Variants in LRRTM4 observed in about 807,000 individuals in gnomAD.
LRRTM4 encodes leucine-rich repeat transmembrane neuronal protein 4.
Under a neutral mutation model 47.6 loss-of-function variants are expected in LRRTM4, and 25 were observed. The observed-to-expected ratio is 0.53, with a 90% CI of 0.38 to 0.73. The LOEUF (loss-of-function observed/expected upper bound fraction) is 0.73. Ranked by LOEUF, LRRTM4 falls within the 30% of genes least tolerant of loss-of-function variation. LRRTM4 has a pLI of 0.00. For synonymous variants in LRRTM4, 311 were observed against 269.5 expected (o/e 1.15, Z -1.51); for missense variants, 638 against 713.4 (o/e 0.89, Z 1.20).
chr2:77,220,788 A>G (rs1674599512), intron 3 of LRRTM4, among the ~76,000 whole-genome samples: 1 of 152,250 alleles, frequency 6.6e-6, no homozygotes, highest in Non-Finnish European at 1.5e-5. Flanking sequence ...TCTGCAGGAT[A>G]TTATCCAAGA....
chr2:77,136,782 T>C (rs1258771176), intron 3 of LRRTM4, among the ~76,000 whole-genome samples: 1 of 150,998 alleles, frequency 6.6e-6, no homozygotes, highest in Non-Finnish European at 1.5e-5. Context: ...AGTCCTTAAA[T>C]GACCTGAGGG....
At chr2:76,828,052 G>A (rs1156704056) in intron 3 of LRRTM4, among the ~76,000 whole-genome samples, 1 of 151,960 alleles carries the variant, frequency 6.6e-6, no homozygotes, top group Non-Finnish European at 1.5e-5. Context: ...CTTAGCGTAA[G>A]TGTTTACACA....
chr2:77,017,344 A>T (rs1678105083), intron 3 of LRRTM4, among the ~76,000 whole-genome samples: 2 of 152,218 alleles, frequency 1.3e-5, no homozygotes, highest in South Asian at 4.1e-4. Context: ...TAAAATAATT[A>T]TATCCTGAAA....
At chr2:77,013,192 C>T (rs531706764) in intron 3 of LRRTM4, among the ~76,000 whole-genome samples, 1 of 152,168 alleles carries the variant, frequency 6.6e-6, no homozygotes, top group South Asian at 2.1e-4. Context: ...AAGGTATAAC[C>T]ACTGAAGCAC....
chr2:77,107,832 A>G (rs918351248), intron 3 of LRRTM4, among the ~76,000 whole-genome samples: 2 of 151,488 alleles, frequency 1.3e-5, no homozygotes, highest in African/African-American at 4.8e-5. Flanking sequence ...AAAAAAAAAA[A>G]AAAAGAAAGA....
intron 3 of LRRTM4, among the ~76,000 whole-genome samples, chr2:77,047,465 G>A (rs1679272615): frequency 6.6e-6 from 1 of 151,968 alleles, no homozygotes; most frequent in South Asian, 2.1e-4. Flanking sequence ...TGAGAGCTGT[G>A]AGGAAGAAGC....
intron 3 of LRRTM4, among the ~76,000 whole-genome samples, chr2:76,963,589 T>C (rs1386984814): frequency 6.6e-6 from 1 of 150,948 alleles, no homozygotes; most frequent in African/African-American, 2.4e-5. Context: ...CATTTAAAGA[T>C]TCTTATAAGT....
At chr2:76,941,205 A>T in intron 3 of LRRTM4, among the ~76,000 whole-genome samples, 1 of 152,244 alleles carries the variant, frequency 6.6e-6, no homozygotes, top group East Asian at 1.9e-4. Context: ...AAGCCATATC[A>T]TCAGCAGTCT....
chr2:77,444,193 A>G (rs1472201432), intron 3 of LRRTM4, among the ~76,000 whole-genome samples: 1 of 152,110 alleles, frequency 6.6e-6, no homozygotes, highest in African/African-American at 2.4e-5. Context: ...CAAACCAACA[A>G]CATGAATGAT....
chr2:77,419,064 A>G (rs757133233), intron 3 of LRRTM4, among the ~76,000 whole-genome samples: 10 of 152,202 alleles, frequency 6.6e-5, no homozygotes, highest in Middle Eastern at 3.2e-3. Flanking sequence ...ACTCATATAT[A>G]TTGGGTACTT....
At chr2:77,183,921 G>A (rs1000952453) in intron 3 of LRRTM4, among the ~76,000 whole-genome samples, 2 of 152,026 alleles carry the variant, frequency 1.3e-5, no homozygotes, top group African/African-American at 2.4e-5. Flanking sequence ...ATCACACACC[G>A]GGGCCTGTCG....
chr2:77,367,222 G>A (rs187635861), intron 3 of LRRTM4, among the ~76,000 whole-genome samples: 184 of 151,318 alleles, frequency 1.2e-3, no homozygotes, highest in Non-Finnish European at 2.2e-3. Flanking sequence ...TAACCTCTGT[G>A]AATGCCCCTC....
intron 3 of LRRTM4, among the ~76,000 whole-genome samples, chr2:76,805,935 T>C (rs1016565176): frequency 2.0e-5 from 3 of 152,174 alleles, no homozygotes; most frequent in Admixed American, 2.0e-4. Flanking sequence ...TCTCTGTTAT[T>C]GTGGTCTCAC....
chr2:77,082,178 T>G (rs1181583183), intron 3 of LRRTM4, among the ~76,000 whole-genome samples: 1 of 152,142 alleles, frequency 6.6e-6, no homozygotes, highest in African/African-American at 2.4e-5. Flanking sequence ...CTTAATATCT[T>G]TATTCTTCAT....
chr2:76,975,692 A>G (rs1233777775), intron 3 of LRRTM4, among the ~76,000 whole-genome samples: 1 of 151,746 alleles, frequency 6.6e-6, no homozygotes, highest in Non-Finnish European at 1.5e-5. Context: ...CATTGAGGAG[A>G]CAAAAAATAT....
intron 3 of LRRTM4, among the ~76,000 whole-genome samples, chr2:77,161,831 T>C (rs1401549531): frequency 2.0e-5 from 3 of 152,146 alleles, no homozygotes; most frequent in Non-Finnish European, 4.4e-5. Context: ...CCAATGCAAA[T>C]GATTAAAACT....
chr2:77,356,503 C>CA (rs1327730236), intron 3 of LRRTM4, among the ~76,000 whole-genome samples: 1 of 152,078 alleles, frequency 6.6e-6, no homozygotes, highest in African/African-American at 2.4e-5. Flanking sequence ...ACAGAAGTAT[C>CA]AAAAATCACA....
intron 3 of LRRTM4, among the ~76,000 whole-genome samples, chr2:77,501,350 C>T (rs750994725): frequency 1.1e-4 from 16 of 150,224 alleles, no homozygotes; most frequent in Admixed American, 3.3e-4. Flanking sequence ...ATAGTCCATA[C>T]GCATAACATA....
chr2:76,871,528 C>G (rs1407707896), intron 3 of LRRTM4, among the ~76,000 whole-genome samples: 1 of 152,060 alleles, frequency 6.6e-6, no homozygotes, highest in Admixed American at 6.6e-5. Context: ...CCTATGCATC[C>G]CAAGCATATA....
Sources: gnomAD v4.1 joint callset for allele counts (sites outside exome capture counted in the v4.1 genomes callset) on GRCh38, gnomAD v4.1.1 for gene constraint, MANE v1.5 for transcripts, NCBI Gene and HGNC (gene_info 2026-07-23, HGNC 2026-07-21) for gene names.